Variants in RAP1GAP2 observed in about 807,000 individuals in gnomAD.
RAP1GAP2 encodes rap1 GTPase-activating protein 2.
RAP1GAP2 carries 27 observed loss-of-function variants against 95.0 expected under a neutral mutation model. The ratio of observed to expected loss-of-function variants is 0.28; its 90% confidence interval spans 0.21 to 0.39. RAP1GAP2 has a LOEUF of 0.39. Ranked by LOEUF, RAP1GAP2 falls within the 10% of genes least tolerant of loss-of-function variation. The pLI is 1.00. For missense variants in RAP1GAP2, 771 were observed against 970.0 expected, an observed-to-expected ratio of 0.79 and a Z score of 2.72; for synonymous variants, 373 against 380.9, an observed-to-expected ratio of 0.98 and a Z score of 0.24.
At chr17:2,927,388 C>G (rs370789167) in intron 3 of RAP1GAP2, among the ~76,000 whole-genome samples, 2 of 151,746 alleles carry the variant, frequency 1.3e-5, no homozygotes, top group Non-Finnish European at 1.5e-5. Context: ...CTCCTGACCT[C>G]GTGATCCGCC....
chr17:2,874,902 A>G (rs2073023618), intron 2 of RAP1GAP2, among the ~76,000 whole-genome samples: 1 of 152,142 alleles, frequency 6.6e-6, no homozygotes. Flanking sequence ...CTCGCTTCTC[A>G]AAAGGCTGTC....
chr17:2,910,697 C>G (rs748831967), intron 3 of RAP1GAP2, among the ~76,000 whole-genome samples: 1 of 152,130 alleles, frequency 6.6e-6, no homozygotes, highest in Non-Finnish European at 1.5e-5. Context: ...CGTTCCTCCT[C>G]GAGTCAACAG....
chr17:2,769,520 A>T (rs1341980664), intron 1 of RAP1GAP2, among the ~76,000 whole-genome samples: 2 of 151,932 alleles, frequency 1.3e-5, no homozygotes, highest in South Asian at 4.1e-4. Flanking sequence ...GCGCCACTGC[A>T]CTCCAGCCTG....
chr17:2,766,048 C>T (rs1003053628), intron 1 of RAP1GAP2, among the ~76,000 whole-genome samples: 19 of 152,222 alleles, frequency 1.2e-4, no homozygotes, highest in African/African-American at 4.6e-4. Context: ...CTTCTCAACA[C>T]ACCCACTGCA....
Position 2,951,626 on chromosome 17 carries a change from G to A in RAP1GAP2, c.166-6133G>A, listed in dbSNP as rs565511293. ...CCTGCTACTTGGGAGGCTGGGGTGG[G>A]AGGATCGCTTGAGGCCAGGAGATCG... On this transcript the variant is annotated intron_variant, in intron 3 of 24. Transcript: ENST00000254695. 1.2e-4 allele frequency among the ~76,000 whole-genome samples: 18 copies of A among 152,294 alleles called. 1 individual carries two copies. In the South Asian group the frequency reaches 3.7e-3, roughly 32 times the overall value.
At chr17:2,941,233 C>G (rs769200151) in intron 3 of RAP1GAP2, among the ~76,000 whole-genome samples, 6 of 152,086 alleles carry the variant, frequency 3.9e-5, no homozygotes, top group Non-Finnish European at 8.8e-5. Context: ...GAAACCCCGT[C>G]TCTACTAAAA....
At position 3,002,777 on chromosome 17, in the gene RAP1GAP2, G is replaced by A. The variant is rs2046204857; in HGVS notation, c.1201-2592G>A. Among the ~76,000 whole-genome samples, 4 of 152,182 alleles carry A rather than the reference G, an allele frequency of 2.6e-5. No homozygotes were observed. The South Asian group carries it at 6.2e-4, about 24-fold the overall frequency. On this transcript the variant is annotated intron_variant, in intron 14 of 24. Coordinates refer to ENST00000254695, the MANE Select transcript of RAP1GAP2 (RefSeq NM_015085.5). ...CTGGTCCTGGCACTGCCTCTGCTGCGTGACCTTGTTCCTTCCCTCTCTGGG... is the reference window on the plus strand; with the variant it reads ...CTGGTCCTGGCACTGCCTCTGCTGCATGACCTTGTTCCTTCCCTCTCTGGG...
intron 1 of RAP1GAP2, among the ~76,000 whole-genome samples, chr17:2,761,189 A>C (rs984132453): frequency 6.6e-6 from 1 of 151,384 alleles, no homozygotes; most frequent in South Asian, 2.1e-4. Context: ...TCCTGACCTT[A>C]AATGATCCAC....
At chr17:2,779,774 G>A (rs903559981) in intron 1 of RAP1GAP2, among the ~76,000 whole-genome samples, 12 of 141,768 alleles carry the variant, frequency 8.5e-5, no homozygotes, top group African/African-American at 3.2e-4. Flanking sequence ...GCCATAGTCA[G>A]TGGGGGAGGA....
rs1017766139 is a variant in RAP1GAP2, at chr17:3,029,667, C to T, written c.2108-1255C>T. 1.3e-5 allele frequency among the ~76,000 whole-genome samples: 2 copies of T among 152,130 alleles called. No individual in the cohort carries two copies. Among genetic ancestry groups the T allele is most frequent in the East Asian group, 1.9e-4 (1 of 5,204 alleles). On this transcript the variant is annotated intron_variant, in intron 22 of 24. Transcript: ENST00000254695. The surrounding 1 kb of genome is among the most constrained non-coding windows in gnomAD (Gnocchi z 4.4). ...TGGAACTCCTCGATTCGAAGCACCA[C>T]GAACCAGCCAGCAGCTTCCAGGAAG...
At chr17:2,938,489 G>A (rs2043373100) in intron 3 of RAP1GAP2, among the ~76,000 whole-genome samples, 1 of 152,134 alleles carries the variant, frequency 6.6e-6, no homozygotes, top group Non-Finnish European at 1.5e-5. Context: ...GGATCCCTGG[G>A]CTGAGCCGGG....
intron 2 of RAP1GAP2, among the ~76,000 whole-genome samples, chr17:2,901,545 G>C (rs778654965): frequency 5.3e-5 from 8 of 152,170 alleles, no homozygotes; most frequent in Non-Finnish European, 1.2e-4. Context: ...CATGTGGCAA[G>C]ATAGATCCCT....
At chr17:2,790,414 C>T (rs1436226721) in intron 1 of RAP1GAP2, among the ~76,000 whole-genome samples, 2 of 152,162 alleles carry the variant, frequency 1.3e-5, no homozygotes, top group South Asian at 2.1e-4. Flanking sequence ...CCACCGCACC[C>T]GACCTCTCTA....
rs2044571690 is a variant in RAP1GAP2, at chr17:2,965,861, A to C, written c.596+218A>C. 1.1e-5 allele frequency: 6 copies of C among 564,824 alleles called. No individual in the cohort carries two copies. Among genetic ancestry groups the C allele is most frequent in the Non-Finnish European group, 3.2e-6 (1 of 316,016 alleles). The allele number at this position is 564,824 out of a possible 1,614,324, so 35.0% of individuals were successfully genotyped here. A position where few individuals can be genotyped will look rare whatever the true frequency, so the allele number is the denominator to read the frequency against. ...CCAGTTAGCTGACAGTCAGAGGGGC[A>C]TCCAGGTCTCAAGGTCACCCAGACT... On this transcript the variant is annotated intron_variant, in intron 8 of 24. Transcript: ENST00000254695. The surrounding 1 kb of genome is among the most constrained non-coding windows in gnomAD (Gnocchi z 4.7).
chr17:2,972,705 T>A, intron 8 of RAP1GAP2, among the ~76,000 whole-genome samples: 1 of 151,718 alleles, frequency 6.6e-6, no homozygotes, highest in Non-Finnish European at 1.5e-5. Flanking sequence ...ATCAATGTTG[T>A]AAATAAAATA....
chr17:2,799,874 C>T (rs559858431), intron 1 of RAP1GAP2, among the ~76,000 whole-genome samples: 4 of 152,110 alleles, frequency 2.6e-5, no homozygotes, highest in Non-Finnish European at 5.9e-5. Flanking sequence ...CCAGTGAGGG[C>T]GGGCACAGGC....
At chr17:2,814,864 G>A (rs1388811328) in intron 2 of RAP1GAP2, among the ~76,000 whole-genome samples, 1 of 152,080 alleles carries the variant, frequency 6.6e-6, no homozygotes, top group Non-Finnish European at 1.5e-5. Context: ...GAGGGTTGAC[G>A]GCAGCCATTG....
chr17:2,957,770 C>A lies in RAP1GAP2; in HGVS notation c.177C>A (p.Phe59Leu). Residue 59 changes from phenylalanine to leucine, a missense_variant, in exon 4 of 25, where the codon TTC becomes TTA. By Grantham distance (22) the Phe-to-Leu change is conservative. Coordinates refer to ENST00000254695, the MANE Select transcript of RAP1GAP2 (RefSeq NM_015085.5). ...TAPPTMKSSEFFEMLEKMQGI... is the reference protein window; with the variant it reads ...TAPPTMKSSELFEMLEKMQGI... ...CTTTTGTCTTTCAGTCGTCGGAGTT[C>A]TTTGAGATGCTGGAGAAAATGCAGG... 1.9e-6 allele frequency: 3 copies of A among 1,607,688 alleles called. No homozygotes were observed. The highest frequency in any genetic ancestry group is 2.5e-6 in the Non-Finnish European group (3 of 1,176,856).
chr17:2,868,409 A>G (rs532038861), intron 2 of RAP1GAP2, among the ~76,000 whole-genome samples: 18 of 152,346 alleles, frequency 1.2e-4, no homozygotes, highest in South Asian at 8.3e-4. Context: ...CATGGTGTCG[A>G]AACTGCGGCC....
Sources: allele counts gnomAD v4.1 joint callset (sites outside exome capture counted in the v4.1 genomes callset), GRCh38; gene constraint gnomAD v4.1.1; non-coding constraint Gnocchi (gnomAD v3.1); transcripts MANE v1.5; gene names NCBI Gene and HGNC (gene_info 2026-07-23, HGNC 2026-07-21).